Variants in NPRL3 observed in about 807,000 individuals in gnomAD.
NPRL3 encodes the protein NPR3 like, GATOR1 complex subunit, also known as GATOR1 complex protein NPRL3.
A neutral mutation model predicts 57.2 loss-of-function variants in NPRL3; 23 were observed. The observed-to-expected ratio is 0.40, with a 90% CI of 0.29 to 0.57. The LOEUF is 0.57. Ranked by LOEUF, NPRL3 falls within the 20% of genes least tolerant of loss-of-function variation. The probability of loss-of-function intolerance (pLI) is 0.42; values close to 1 mark genes in which losing one functional copy is unlikely to be tolerated. For missense variants in NPRL3, 691 were observed against 767.1 expected (o/e 0.90, Z 1.17); for synonymous variants, 333 against 321.1 (o/e 1.04, Z -0.39).
intron 11 of NPRL3, among the ~76,000 whole-genome samples, chr16:92,085 T>C (rs531443131): frequency 6.6e-6 from 1 of 152,230 alleles, no homozygotes; most frequent in Admixed American, 6.5e-5. Flanking sequence ...CTAGGCTCTC[T>C]TGAATGAGGA....
At chr16:99,635 CA>C (rs11289693) in intron 8 of NPRL3, among the ~76,000 whole-genome samples, 11,829 of 118,982 alleles carry the variant, frequency 0.099, 1,038 homozygotes, top group African/African-American at 0.27. Context: ...GACTACATCT[CA>C]AAAAAAAAAA....
At chr16:96,388 G>C (rs952433483) in intron 9 of NPRL3, among the ~76,000 whole-genome samples, 1 of 152,148 alleles carries the variant, frequency 6.6e-6, no homozygotes, top group Non-Finnish European at 1.5e-5. Context: ...ATCAGGACAC[G>C]GAGGGTCACT....
chr16:90,009 G>T, intron 11 of NPRL3, 107 bp from the exon 12 acceptor site: 1 of 1,070,976 alleles, frequency 9.3e-7, no homozygotes, highest in Non-Finnish European at 1.3e-6. Context: ...TCCCTGTGCT[G>T]ACGCACAGGC....
At chr16:107,269 A>G (rs1596516475) in intron 7 of NPRL3, among the ~76,000 whole-genome samples, 1 of 152,334 alleles carries the variant, frequency 6.6e-6, no homozygotes, top group East Asian at 1.9e-4. Context: ...ATCACACAAC[A>G]GGCAGTCCAA....
intron 2 of NPRL3, among the ~76,000 whole-genome samples, chr16:136,262 T>C (rs545546526): frequency 7.9e-5 from 12 of 152,348 alleles, no homozygotes; most frequent in Non-Finnish European, 1.6e-4. Context: ...TCTCATGGAA[T>C]TCACCGTGGC....
chr16:130,504 T>G lies in NPRL3; in HGVS notation c.188+18A>C. On this transcript the variant is annotated intron_variant, in intron 3 of 13. Transcript: ENST00000611875. Reference sequence around the variant, plus strand: ...GACCAGGACACGCCCCGCCCTGAAGTGGCCGCAGAGCCTTTACCTGGAATC... The same window carrying G: ...GACCAGGACACGCCCCGCCCTGAAGGGGCCGCAGAGCCTTTACCTGGAATC... 6.5e-7 allele frequency: 1 copy of G among 1,548,248 alleles called. No individual in the cohort carries two copies. The highest frequency in any genetic ancestry group is 8.7e-7 in the Non-Finnish European group (1 of 1,146,892).
At chr16:107,678 G>T (rs573438055) in intron 7 of NPRL3, among the ~76,000 whole-genome samples, 15 of 152,056 alleles carry the variant, frequency 9.9e-5, no homozygotes, top group Non-Finnish European at 1.3e-4. Flanking sequence ...TAAGAGACAG[G>T]GTCTCACCAT....
intron 3 of NPRL3, among the ~76,000 whole-genome samples, chr16:122,149 T>C (rs746868659): frequency 2.0e-5 from 3 of 151,446 alleles, no homozygotes; most frequent in Non-Finnish European, 4.4e-5. Flanking sequence ...CAGGCTGGAG[T>C]GTAATGGCGC....
At chr16:97,514 G>A (rs918387561) in intron 9 of NPRL3, among the ~76,000 whole-genome samples, 6 of 147,984 alleles carry the variant, frequency 4.1e-5, no homozygotes, top group African/African-American at 1.5e-4. Context: ...ATGAGCCACC[G>A]TGCCCAGCCT....
intron 3 of NPRL3, among the ~76,000 whole-genome samples, chr16:122,013 G>A (rs574522104): frequency 1.3e-5 from 2 of 151,728 alleles, no homozygotes; most frequent in Admixed American, 6.6e-5. Flanking sequence ...GACCTCAGGT[G>A]ATCCGCCCGC....
chr16:122,980 G>A (rs188849101), intron 3 of NPRL3, among the ~76,000 whole-genome samples: 34 of 152,334 alleles, frequency 2.2e-4, no homozygotes, highest in African/African-American at 7.9e-4. Context: ...TCCTGGACAA[G>A]CACCATATCA....
In NPRL3 at chr16:85,589, G is replaced by C. The variant is rs1435769056; in HGVS notation, c.*1116C>G. The C allele has an allele frequency of 6.2e-7, 1 of 1,612,820 alleles. No homozygotes were observed. The highest frequency in any genetic ancestry group is 8.5e-7 in the Non-Finnish European group (1 of 1,179,624). ...CAAGAGCTTTGACCAGAGGGACCTGGCACAGGATGAAGCTGTATGGCTGGA... is the reference window on the plus strand; with the variant it reads ...CAAGAGCTTTGACCAGAGGGACCTGCCACAGGATGAAGCTGTATGGCTGGA... On this transcript the variant is annotated 3_prime_UTR_variant, in exon 14 of 14. Coordinates refer to ENST00000611875, the MANE Select transcript of NPRL3 (RefSeq NM_001077350.3).
intron 10 of NPRL3, 138 bp downstream of exon 10, chr16:93,081 G>T: frequency 1.5e-6 from 1 of 677,930 alleles, no homozygotes. Flanking sequence ...CCAGGAGTTA[G>T]GCTGAAGTGA....
intron 3 of NPRL3, among the ~76,000 whole-genome samples, chr16:121,553 G>C (rs1001512073): frequency 2.0e-5 from 3 of 151,826 alleles, no homozygotes; most frequent in Non-Finnish European, 2.9e-5. Flanking sequence ...CTGGGCGGCA[G>C]AGGTTGCAGT....
intron 9 of NPRL3, among the ~76,000 whole-genome samples, chr16:96,843 TAA>T (rs1231676226): frequency 1.3e-5 from 2 of 151,814 alleles, no homozygotes; most frequent in Non-Finnish European, 2.9e-5. Flanking sequence ...AGAGGATAGA[TAA>T]AGGGTCCTGA....
At chr16:94,430 A>G (rs34769159) in intron 9 of NPRL3, among the ~76,000 whole-genome samples, 3,380 of 152,314 alleles carry the variant, frequency 0.022, 67 homozygotes, top group South Asian at 0.066. Flanking sequence ...CCTGCTGCTG[A>G]GGACACTTAT....
Position 110,228 on chromosome 16 carries a change from C to T in NPRL3, c.629+297G>A, listed in dbSNP as rs143251970. Among the ~76,000 whole-genome samples the T allele has an allele frequency of 7.6e-3, 1,155 of 152,156 alleles. 19 individuals carry two copies. Among genetic ancestry groups the T allele is most frequent in the African/African-American group, 0.026 (1,074 of 41,498 alleles). ...AGGTTGCTGTGAGCCGAGATCGTGC[C>T]GCTGCACTCTAGCCTGGGCAACAAA... On this transcript the variant is annotated intron_variant, in intron 7 of 13. Transcript: ENST00000611875.
intron 8 of NPRL3, 44 bp from the exon 9 acceptor site, chr16:98,345 C>G: frequency 6.3e-7 from 1 of 1,599,984 alleles, no homozygotes; most frequent in East Asian, 2.2e-5. Flanking sequence ...AGTGCAGGAA[C>G]CCTGCACCGG....
chr16:95,704 G>C (rs1435136807), intron 9 of NPRL3, among the ~76,000 whole-genome samples: 1 of 151,972 alleles, frequency 6.6e-6, no homozygotes, highest in African/African-American at 2.4e-5. Context: ...TGAGTAGCTG[G>C]GACCATGGGC....
Sources: gnomAD v4.1 joint callset for allele counts (sites outside exome capture counted in the v4.1 genomes callset) on GRCh38, gnomAD v4.1.1 for gene constraint, MANE v1.5 for transcripts, NCBI Gene and HGNC (gene_info 2026-07-23, HGNC 2026-07-21) for gene names.